DGKG: variants seen among roughly 807,000 people sequenced by gnomAD.
DGKG encodes DAG kinase gamma.
In DGKG, 78 loss-of-function variants were observed where a neutral mutation model predicts 105.3. The ratio of observed to expected loss-of-function variants is 0.74; its 90% CI spans 0.62 to 0.89. The LOEUF (loss-of-function observed/expected upper bound fraction) is 0.89, where lower values mean the gene tolerates loss of function less well. Ranked by LOEUF, DGKG falls within the 40% of genes least tolerant of loss-of-function variation. The pLI, the probability that DGKG is intolerant of heterozygous loss-of-function variation, is 0.00. For synonymous variants in DGKG, 346 were observed against 367.1 expected, an observed-to-expected ratio of 0.94 and a Z score of 0.66; for missense variants, 958 against 1,020.1, an observed-to-expected ratio of 0.94 and a Z score of 0.83.
intron 10 of DGKG, among the ~76,000 whole-genome samples, chr3:186,272,618 G>A (rs1340555711): frequency 6.6e-6 from 1 of 152,240 alleles, no homozygotes; most frequent in Non-Finnish European, 1.5e-5. Flanking sequence ...TCCCCAGAAA[G>A]GCGCTTTTTC....
Position 186,149,474 on chromosome 3 carries a change from A to C in DGKG, c.*616T>G. ...CCACCGACGGCGCAGAAACCCAAGA[A>C]TGGAAATACAGCTTTCCACAGCCTT... On this transcript the variant is annotated 3_prime_UTR_variant, in exon 25 of 25. Coordinates refer to ENST00000265022, the MANE Select transcript of DGKG (RefSeq NM_001346.3). 1.0e-6 allele frequency: 1 copy of C among 985,442 alleles called. No homozygotes were observed. Among genetic ancestry groups the C allele is most frequent in the Non-Finnish European group, 1.2e-6 (1 of 829,940 alleles). The allele number at this position is 985,442 out of a possible 1,614,324, so 61.0% of individuals were successfully genotyped here.
At chr3:186,286,037 G>A (rs553865267) in intron 6 of DGKG, among the ~76,000 whole-genome samples, 93 of 152,240 alleles carry the variant, frequency 6.1e-4, no homozygotes, top group African/African-American at 2.1e-3. Flanking sequence ...CGGAGCACCC[G>A]TTGACTGATG....
intron 1 of DGKG, among the ~76,000 whole-genome samples, chr3:186,351,803 G>A (rs1726642723): frequency 2.0e-5 from 3 of 152,234 alleles, no homozygotes; most frequent in Non-Finnish European, 4.4e-5. Flanking sequence ...CATGACTGGT[G>A]CAGATCCAGT....
rs185745987 is a variant in DGKG, at chr3:186,330,974, T to C, written c.-248-10267A>G. Among the ~76,000 whole-genome samples, 3 of 152,364 alleles carry C rather than the reference T, an allele frequency of 2.0e-5. No homozygotes were observed. In the East Asian group the frequency reaches 5.8e-4, roughly 29 times the overall value. ...CACTTTTAGGGGCAGGTTATGCATG[T>C]GTCTATTTGGCAACAGAATCTGCAT... On this transcript the variant is annotated intron_variant, in intron 1 of 24. Transcript: ENST00000265022.
chr3:186,314,694 T>G (rs538547525), intron 2 of DGKG, among the ~76,000 whole-genome samples: 1 of 138,380 alleles, frequency 7.2e-6, no homozygotes, highest in East Asian at 2.1e-4. Context: ...GCGGAGGTTG[T>G]GGTGAGCCGA....
chr3:186,165,625 G>A (rs889624864), intron 22 of DGKG, among the ~76,000 whole-genome samples: 5 of 152,224 alleles, frequency 3.3e-5, no homozygotes, highest in Non-Finnish European at 7.3e-5. Flanking sequence ...CAGAGTCTGT[G>A]AGCCCACAGT....
intron 20 of DGKG, among the ~76,000 whole-genome samples, chr3:186,218,888 G>A (rs1719431452): frequency 6.6e-6 from 1 of 151,988 alleles, no homozygotes; most frequent in African/African-American, 2.4e-5. Context: ...ATCCCATTTG[G>A]GATTTGCTGG....
At chr3:186,165,446 A>T (rs1456129652) in intron 22 of DGKG, among the ~76,000 whole-genome samples, 1 of 152,234 alleles carries the variant, frequency 6.6e-6, no homozygotes, top group Non-Finnish European at 1.5e-5. Flanking sequence ...GAATGTCTGA[A>T]TAACATTTGG....
intron 2 of DGKG, among the ~76,000 whole-genome samples, chr3:186,318,689 G>A (rs1724932843): frequency 6.6e-6 from 1 of 152,178 alleles, no homozygotes; most frequent in Non-Finnish European, 1.5e-5. Context: ...GGAGAATACG[G>A]CCATCCGCAA....
At chr3:186,167,779 ACTC>A (rs1716618299) in intron 22 of DGKG, among the ~76,000 whole-genome samples, 4 of 151,964 alleles carry the variant, frequency 2.6e-5, no homozygotes, top group Admixed American at 2.0e-4. Flanking sequence ...TCACTCACTC[ACTC>A]ACTCACTCAC....
intron 9 of DGKG, 27 bp from the exon 10 acceptor site, chr3:186,275,691 C>T: frequency 6.3e-7 from 1 of 1,578,034 alleles, no homozygotes; most frequent in Non-Finnish European, 8.7e-7. Context: ...AGGTGAGACC[C>T]CAAGCTGGCT....
chr3:186,237,794 T>C (rs1236643286), intron 20 of DGKG, among the ~76,000 whole-genome samples: 2 of 152,186 alleles, frequency 1.3e-5, no homozygotes, highest in African/African-American at 2.4e-5. Context: ...AATACATGAC[T>C]TTTGTTAGTT....
At chr3:186,288,913 A>C in intron 5 of DGKG, 33 bp from the exon 6 acceptor site, 1 of 1,511,032 alleles carries the variant, frequency 6.6e-7, no homozygotes, top group Non-Finnish European at 8.8e-7. Flanking sequence ...ATCCAAGGAC[A>C]TTTTCTGTTT....
At chr3:186,346,446 C>A (rs997627809) in intron 1 of DGKG, among the ~76,000 whole-genome samples, 1 of 152,144 alleles carries the variant, frequency 6.6e-6, no homozygotes, top group Non-Finnish European at 1.5e-5. Flanking sequence ...ATTATTTACT[C>A]CCTTATTTTA....
At chr3:186,207,995 C>A (rs1718831325) in intron 21 of DGKG, among the ~76,000 whole-genome samples, 1 of 152,238 alleles carries the variant, frequency 6.6e-6, no homozygotes, top group African/African-American at 2.4e-5. Context: ...CCACTAGCCT[C>A]AGAGAAATCG....
chr3:186,227,321 C>T (rs1337071933), intron 20 of DGKG, among the ~76,000 whole-genome samples: 1 of 152,220 alleles, frequency 6.6e-6, no homozygotes, highest in Non-Finnish European at 1.5e-5. Flanking sequence ...CTAATTCTCA[C>T]AGGCACCTTG....
rs1056102604 is a variant in DGKG, at chr3:186,340,941, C to T, written c.-248-20234G>A. Among the ~76,000 whole-genome samples the T allele has an allele frequency of 2.0e-5, 3 of 152,192 alleles. No individual in the cohort carries two copies. The East Asian group carries it at 5.8e-4, about 29-fold the overall frequency. On this transcript the variant is annotated intron_variant, in intron 1 of 24. Transcript: ENST00000265022. ...GCTTCTTAATGGCCCTAGCAGGTCT[C>T]TGGTCTCATAACTATCTTCTCACTC... is the stretch of plus-strand genomic sequence containing the variant.
chr3:186,299,201 CTGCTG>C (rs1404220879), intron 3 of DGKG, among the ~76,000 whole-genome samples: 3 of 152,226 alleles, frequency 2.0e-5, no homozygotes, highest in Non-Finnish European at 4.4e-5. Context: ...ACTCTGAGAT[CTGCTG>C]TGCAGGCTTT....
intron 1 of DGKG, among the ~76,000 whole-genome samples, 166 bp from the exon 2 acceptor site, chr3:186,320,873 G>A (rs990488703): frequency 2.0e-5 from 3 of 152,210 alleles, no homozygotes; most frequent in African/African-American, 4.8e-5. Context: ...TCTGGCTGGT[G>A]GTGAGAGTTG....
Sources: allele counts gnomAD v4.1 joint callset (sites outside exome capture counted in the v4.1 genomes callset), GRCh38; gene constraint gnomAD v4.1.1; transcripts MANE v1.5; gene names NCBI Gene and HGNC (gene_info 2026-07-23, HGNC 2026-07-21).